The following DCLK1 variants were observed in gnomAD, a reference collection of about 807,000 sequenced individuals.
DCLK1 encodes the protein doublecortin like kinase 1.
DCLK1 carries 16 observed loss-of-function variants against 86.2 expected under a neutral mutation model. The observed-to-expected ratio is 0.19, with a 90% CI of 0.13 to 0.28. The LOEUF (loss-of-function observed/expected upper bound fraction) is 0.28. DCLK1 is among the 10% of genes least tolerant of loss of function. The pLI is 1.00. For synonymous variants in DCLK1, 369 were observed against 370.5 expected, an observed-to-expected ratio of 1.00 and a Z score of 0.05; for missense variants, 590 against 940.2, an observed-to-expected ratio of 0.63 and a Z score of 4.87.
At chr13:35,791,241 A>C (rs2153099219) in intron 16 of DCLK1, among the ~76,000 whole-genome samples, 1 of 152,182 alleles carries the variant, frequency 6.6e-6, no homozygotes, top group African/African-American at 2.4e-5. Flanking sequence ...GAAACCAGCC[A>C]ATTATTTTGA....
At position 35,771,635 on chromosome 13, in the gene DCLK1, A is replaced by T. The variant is rs539460334; in HGVS notation, c.*2900T>A. 1.1e-4 allele frequency: 17 copies of T among 152,314 alleles called. No individual in the cohort carries two copies. The highest frequency in any genetic ancestry group is 2.5e-4 in the Non-Finnish European group (17 of 68,028). The allele number at this position is 152,314 out of a possible 1,614,324, so 9.4% of individuals were successfully genotyped here. A position where few individuals can be genotyped will look rare whatever the true frequency, so the allele number is the denominator to read the frequency against. On this transcript the variant is annotated 3_prime_UTR_variant, in exon 17 of 17. Transcript: ENST00000360631. ...AGTCTACTATCAAACTGAAAAGATGAATCTTAAAATTCCCTTGAAAATACC... is the reference window on the plus strand; with the variant it reads ...AGTCTACTATCAAACTGAAAAGATGTATCTTAAAATTCCCTTGAAAATACC...
At chr13:35,886,907 A>G (rs1278400087) in intron 4 of DCLK1, among the ~76,000 whole-genome samples, 7 of 152,218 alleles carry the variant, frequency 4.6e-5, no homozygotes, top group Non-Finnish European at 8.8e-5. Context: ...GTAAATTTCT[A>G]GAAACTACAC....
At chr13:36,108,592 C>A (rs1397981448) in intron 3 of DCLK1, among the ~76,000 whole-genome samples, 2 of 152,154 alleles carry the variant, frequency 1.3e-5, no homozygotes, top group African/African-American at 2.4e-5. Flanking sequence ...AAAATCCCAG[C>A]GTCAACAGTT....
At chr13:36,032,579 TG>T (rs1222548252) in intron 3 of DCLK1, among the ~76,000 whole-genome samples, 1 of 152,192 alleles carries the variant, frequency 6.6e-6, no homozygotes. Context: ...CGCCATCAGT[TG>T]TGCAGTTTTA....
At chr13:36,038,173 A>G (rs1346891063) in intron 3 of DCLK1, among the ~76,000 whole-genome samples, 2 of 152,220 alleles carry the variant, frequency 1.3e-5, no homozygotes, top group Non-Finnish European at 2.9e-5. Context: ...GCTGGGTCCC[A>G]TAAAAGCTCA....
intron 5 of DCLK1, among the ~76,000 whole-genome samples, chr13:35,855,165 C>T (rs1030424462): frequency 2.6e-5 from 4 of 152,234 alleles, no homozygotes; most frequent in Middle Eastern, 3.2e-3. Context: ...AAACTCCTCA[C>T]AGTTTCTCTT....
chr13:35,961,888 A>G (rs1340991681), intron 3 of DCLK1, among the ~76,000 whole-genome samples: 1 of 152,242 alleles, frequency 6.6e-6, no homozygotes, highest in Non-Finnish European at 1.5e-5. Flanking sequence ...GTGTAATCAG[A>G]CATAAATAAG....
chr13:35,989,452 A>T (rs529143326), intron 3 of DCLK1, among the ~76,000 whole-genome samples: 1 of 152,066 alleles, frequency 6.6e-6, no homozygotes, highest in Admixed American at 6.5e-5. Context: ...TTGTATTTTT[A>T]GTAGAGATGG....
intron 4 of DCLK1, among the ~76,000 whole-genome samples, chr13:35,882,229 T>C (rs1319786198): frequency 2.0e-5 from 3 of 152,216 alleles, no homozygotes; most frequent in Non-Finnish European, 4.4e-5. Flanking sequence ...CCTCCATCTT[T>C]ACATGGACTT....
intron 4 of DCLK1, among the ~76,000 whole-genome samples, chr13:35,876,979 A>G (rs753558615): frequency 1.1e-4 from 16 of 152,200 alleles, no homozygotes; most frequent in Non-Finnish European, 2.4e-4. Flanking sequence ...CCCAAAGGAC[A>G]GGAAATCAGA....
chr13:35,922,722 T>G (rs759446025), intron 4 of DCLK1, among the ~76,000 whole-genome samples: 1 of 152,224 alleles, frequency 6.6e-6, no homozygotes, highest in African/African-American at 2.4e-5. Flanking sequence ...TAAATCCTGG[T>G]TGAAGACTAA....
rs1885332829 is a variant in DCLK1 at position 36,104,768 on chromosome 13, T to C, written c.723+7101A>G. Among the ~76,000 whole-genome samples the C allele has an allele frequency of 1.3e-5, 2 of 152,110 alleles. 1 individual carries two copies. The highest frequency in any genetic ancestry group is 4.1e-4 in the South Asian group (2 of 4,824). Reference sequence around the variant, plus strand: ...CCATTGAAGAAGAAAGTGAATAAAATATCTGCATCGCATTCACAACTGACT... The same window carrying C: ...CCATTGAAGAAGAAAGTGAATAAAACATCTGCATCGCATTCACAACTGACT... On this transcript the variant is annotated intron_variant, in intron 3 of 16. Transcript: ENST00000360631.
intron 4 of DCLK1, among the ~76,000 whole-genome samples, chr13:35,874,939 T>C (rs1318739897): frequency 3.3e-5 from 5 of 152,228 alleles, no homozygotes; most frequent in African/African-American, 1.2e-4. Context: ...CGCCGGCCCA[T>C]TGGCATGCTT....
chr13:35,828,506 G>A (rs1221486639), intron 8 of DCLK1, among the ~76,000 whole-genome samples, 199 bp from the exon 9 acceptor site: 1 of 152,118 alleles, frequency 6.6e-6, no homozygotes, highest in African/African-American at 2.4e-5. Flanking sequence ...AGGACAGTAA[G>A]TCTGCTGGCA....
At chr13:35,956,397 C>T (rs1877981624) in intron 3 of DCLK1, among the ~76,000 whole-genome samples, 1 of 152,098 alleles carries the variant, frequency 6.6e-6, no homozygotes, top group African/African-American at 2.4e-5. Context: ...AACATTGTGG[C>T]ATGGTTTCTA....
At chr13:35,870,429 A>C (rs1376252883) in intron 5 of DCLK1, among the ~76,000 whole-genome samples, 1 of 152,152 alleles carries the variant, frequency 6.6e-6, no homozygotes, top group Non-Finnish European at 1.5e-5. Flanking sequence ...CTGTTGAGTA[A>C]AAGAAGGCCC....
chr13:35,978,874 A>G (rs1383999935), intron 3 of DCLK1, among the ~76,000 whole-genome samples: 1 of 152,160 alleles, frequency 6.6e-6, no homozygotes, highest in East Asian at 1.9e-4. Flanking sequence ...AGGGTAGTAA[A>G]CTCAGGTTAA....
intron 11 of DCLK1, among the ~76,000 whole-genome samples, chr13:35,822,330 AT>A (rs199560939): frequency 7.3e-5 from 11 of 151,550 alleles, no homozygotes; most frequent in South Asian, 2.1e-4. Flanking sequence ...ATTAAAAAAA[AT>A]TTTTTTTGTG....
At chr13:36,105,468 T>C (rs1288067138) in intron 3 of DCLK1, among the ~76,000 whole-genome samples, 1 of 152,164 alleles carries the variant, frequency 6.6e-6, no homozygotes, top group Non-Finnish European at 1.5e-5. Flanking sequence ...TTATTATTAT[T>C]CACAATATAC....
Sources: allele counts gnomAD v4.1 joint callset (sites outside exome capture counted in the v4.1 genomes callset), GRCh38; gene constraint gnomAD v4.1.1; transcripts MANE v1.5; gene names NCBI Gene and HGNC (gene_info 2026-07-23, HGNC 2026-07-21).